Variants in ZNF324B observed in about 807,000 individuals in gnomAD.
The protein encoded by ZNF324B is zinc finger protein 324B.
A neutral mutation model predicts 10.6 loss-of-function variants in ZNF324B; 7 were observed. The observed-to-expected ratio is 0.66, with a 90% CI of 0.38 to 1.24. ZNF324B has a LOEUF of 1.24. ZNF324B is among the 50% of genes most tolerant of loss of function. ZNF324B has a pLI of 0.02. For missense variants in ZNF324B, 640 were observed against 764.7 expected, an observed-to-expected ratio of 0.84 and a Z score of 1.92; for synonymous variants, 316 against 321.0, an observed-to-expected ratio of 0.98 and a Z score of 0.17.
chr19:58,421,976 G>C, the ZNF324B span, among the ~76,000 whole-genome samples: 2 of 152,142 alleles, frequency 1.3e-5, no homozygotes, highest in South Asian at 2.1e-4. Flanking sequence ...GGAGTGCAGT[G>C]GTGCAATCTT....
chr19:58,421,703 T>G, the ZNF324B span, among the ~76,000 whole-genome samples: 2 of 152,184 alleles, frequency 1.3e-5, no homozygotes. Context: ...ATGTAATTTA[T>G]AAGAGCATAA....
chr19:58,437,631 G>T, the ZNF324B span: 1 of 880,040 alleles, frequency 1.1e-6, no homozygotes, highest in Non-Finnish European at 1.4e-6. Context: ...ACCTTTACAT[G>T]TCACTCCTCA....
rs767085791 is a variant in ZNF324B, at chr19:58,456,157, G to T, written c.1213G>T (p.Ala405Ser). Residue 405 changes from alanine to serine, a missense_variant, in exon 4 of 4, where the codon GCC becomes TCC. By Grantham distance (99) the Ala-to-Ser change is moderately conservative. This residue lies in a region of ZNF324B where 238 missense variants were observed against 258.0 expected (regional missense o/e 0.92). Transcript: ENST00000336614. This position sits in a 1 kb window ranked among gnomAD's most constrained non-coding sequence, Gnocchi z 4.7. ...KPFVCALCGA[A>S]FSQGSSLFLH... ...CTTCGTATGCGCGCTCTGCGGTGCT[G>T]CCTTCAGCCAGGGCTCCTCGCTCTT... 2 of 1,613,294 alleles carry T rather than the reference G, an allele frequency of 1.2e-6. No homozygotes were observed. Among genetic ancestry groups the T allele is most frequent in the Non-Finnish European group, 1.7e-6 (2 of 1,179,760 alleles).
At chr19:58,435,317 G>A in the ZNF324B span, 2 of 1,325,966 alleles carry the variant, frequency 1.5e-6, no homozygotes, top group African/African-American at 2.9e-5. Flanking sequence ...AGGTCCCAGG[G>A]ATTGCTGACA....
the ZNF324B span, chr19:58,440,887 A>G: frequency 6.6e-6 from 1 of 152,236 alleles, no homozygotes; most frequent in African/African-American, 2.4e-5. Flanking sequence ...ACGTGCGCCA[A>G]AGGTCTCCTG....
the ZNF324B span, among the ~76,000 whole-genome samples, chr19:58,427,291 T>TTTTCTTTCTTTC: frequency 4.7e-3 from 273 of 58,352 alleles, 20 homozygotes; most frequent in Middle Eastern, 0.022. Context: ...TGCCTGGCTT[T>TTTTCTTTCTTTC]TTTCTTTCTT....
chr19:58,439,716 C>T, the ZNF324B span: 12 of 1,490,794 alleles, frequency 8.0e-6, no homozygotes, highest in Non-Finnish European at 1.1e-5. Context: ...ATCCTGAGGG[C>T]CGGAATCCCA....
chr19:58,453,217 G>A (rs1245399480), intron 1 of ZNF324B: 1 of 187,780 alleles, frequency 5.3e-6, no homozygotes, highest in Non-Finnish European at 1.1e-5. Flanking sequence ...ATGACGACTG[G>A]TGGGGATCAT....
the ZNF324B span, among the ~76,000 whole-genome samples, chr19:58,432,131 C>T: frequency 1.3e-5 from 2 of 152,180 alleles, no homozygotes; most frequent in African/African-American, 2.4e-5. Flanking sequence ...ACTGTGAAGG[C>T]ATGAAGTGTG....
chr19:58,430,790 G>A, the ZNF324B span: 1 of 152,176 alleles, frequency 6.6e-6, no homozygotes, highest in African/African-American at 2.4e-5. Flanking sequence ...TGGTTGAAGA[G>A]GGCAAAAGTC....
At position 58,453,807 on chromosome 19, in the gene ZNF324B, C is replaced by A. The variant is rs757824591; in HGVS notation, c.106C>A (p.Leu36Ile). The A allele has an allele frequency of 6.2e-7, 1 of 1,614,040 alleles. No homozygotes were observed. Among genetic ancestry groups the A allele is most frequent in the Non-Finnish European group, 8.5e-7 (1 of 1,179,920 alleles). ...CCACGTGATGCTGGAAAACTTCACA[C>A]TTGTGACCTCACTTGGTAAGGCCCT... Reference protein sequence around the residue: ...YRHVMLENFTLVTSLGLSTSR... With the variant: ...YRHVMLENFTIVTSLGLSTSR... Residue 36 changes from leucine to isoleucine, a missense_variant, in exon 2 of 4, where the codon CTT becomes ATT. By Grantham distance (5) the Leu-to-Ile change is conservative (BLOSUM62 2). This residue lies in a region of ZNF324B where 345 missense variants were observed against 387.9 expected (regional missense o/e 0.89). Coordinates refer to ENST00000336614, the MANE Select transcript of ZNF324B (RefSeq NM_207395.3).
At chr19:58,428,805 C>A in the ZNF324B span, 2 of 152,264 alleles carry the variant, frequency 1.3e-5, no homozygotes, top group South Asian at 2.1e-4. Flanking sequence ...GTCTTCTCCA[C>A]ACTTAGAGTT....
chr19:58,455,899 G>C lies in ZNF324B; in HGVS notation c.955G>C (p.Gly319Arg), dbSNP rs760101692. Residue 319 changes from glycine to arginine, a missense_variant, in exon 4 of 4, where the codon GGC (glycine) becomes CGC (arginine). Transcript: ENST00000336614. This position sits in a 1 kb window ranked among gnomAD's most constrained non-coding sequence, Gnocchi z 7.0. ...GETPYACPVC[G>R]KAFRHSSSLV... Reference sequence around the variant, plus strand: ...GACGCCCTACGCGTGCCCCGTGTGCGGCAAGGCCTTCCGGCATAGCTCCTC... The same window carrying C: ...GACGCCCTACGCGTGCCCCGTGTGCCGCAAGGCCTTCCGGCATAGCTCCTC... The C allele has an allele frequency of 8.1e-6, 13 of 1,606,168 alleles. No individual in the cohort carries two copies. Among genetic ancestry groups the C allele is most frequent in the Non-Finnish European group, 8.5e-6 (10 of 1,175,018 alleles).
the ZNF324B span, among the ~76,000 whole-genome samples, chr19:58,438,548 A>G: frequency 6.9e-6 from 1 of 144,682 alleles, no homozygotes; most frequent in African/African-American, 2.6e-5. Context: ...ATCTTGGCTC[A>G]CTGCAAGCTC....
At chr19:58,454,069 A>G (rs530169361) in intron 2 of ZNF324B, among the ~76,000 whole-genome samples, 159 bp from the exon 3 acceptor site, 1 of 152,358 alleles carries the variant, frequency 6.6e-6, no homozygotes, top group East Asian at 1.9e-4. Flanking sequence ...CTCTGGGGAC[A>G]CATGAGCTAT....
chr19:58,454,615 T>C, intron 3 of ZNF324B: 1 of 562,342 alleles, frequency 1.8e-6, no homozygotes, highest in Middle Eastern at 4.6e-4. Context: ...CCATTATTGA[T>C]AGGTATTTAT....
At chr19:58,420,214 C>A in the ZNF324B span, among the ~76,000 whole-genome samples, 6 of 151,940 alleles carry the variant, frequency 3.9e-5, no homozygotes, top group African/African-American at 1.5e-4. Flanking sequence ...GTCAGGAGAT[C>A]GAGACCATTC....
the ZNF324B span, among the ~76,000 whole-genome samples, chr19:58,422,955 C>G: frequency 1.4e-5 from 2 of 147,686 alleles, no homozygotes; most frequent in African/African-American, 5.0e-5. Flanking sequence ...CTACAAGCTC[C>G]GCCTCCCGGG....
chr19:58,434,837 C>T, the ZNF324B span: 11 of 1,614,052 alleles, frequency 6.8e-6, no homozygotes, highest in Non-Finnish European at 9.3e-6. Context: ...TCACAGCTGC[C>T]CAGGATGACC....
Sources: gnomAD v4.1 joint callset for allele counts (sites outside exome capture counted in the v4.1 genomes callset) on GRCh38, gnomAD v4.1.1 for gene constraint, gnomAD v4.1.1 regional missense constraint, Gnocchi (gnomAD v3.1) non-coding constraint, MANE v1.5 for transcripts, NCBI Gene and HGNC (gene_info 2026-07-23, HGNC 2026-07-21) for gene names.